The following CPPED1 variants were observed in gnomAD, a reference collection of about 807,000 sequenced individuals.
CPPED1 encodes the protein calcineurin like phosphoesterase domain containing 1, also known as serine/threonine-protein phosphatase CPPED1.
A neutral mutation model predicts 28.0 loss-of-function variants in CPPED1; 28 were observed. The observed-to-expected ratio is 1.00, with a 90% CI of 0.74 to 1.37. The LOEUF (loss-of-function observed/expected upper bound fraction) is 1.37. CPPED1 is among the 40% of genes most tolerant of loss of function. The pLI is 0.00. For missense variants in CPPED1, 504 were observed against 416.5 expected (o/e 1.21, Z -1.83); for synonymous variants, 198 against 180.2 (o/e 1.10, Z -0.79).
chr16:12,767,772 GC>G (rs1442467113), intron 2 of CPPED1, among the ~76,000 whole-genome samples: 1 of 152,102 alleles, frequency 6.6e-6, no homozygotes, highest in Non-Finnish European at 1.5e-5. Flanking sequence ...AGCCTGGCCA[GC>G]ATGGTGAAAC....
chr16:12,728,023 G>A (rs1312071541), intron 2 of CPPED1, among the ~76,000 whole-genome samples: 1 of 152,174 alleles, frequency 6.6e-6, no homozygotes, highest in Non-Finnish European at 1.5e-5. Flanking sequence ...CAATGCAGAT[G>A]AATACACTAA....
At chr16:12,733,773 G>T (rs1048991873) in intron 2 of CPPED1, among the ~76,000 whole-genome samples, 1 of 152,160 alleles carries the variant, frequency 6.6e-6, no homozygotes, top group Non-Finnish European at 1.5e-5. Flanking sequence ...CTCAACTCAC[G>T]AGGGTGGCTG....
In CPPED1 at chr16:12,704,764, G is replaced by A. The variant is rs376562279; in HGVS notation, c.575C>T (p.Ala192Val). 28 of 1,614,174 alleles carry A rather than the reference G, an allele frequency of 1.7e-5. No individual in the cohort carries two copies. The highest frequency in any genetic ancestry group is 1.3e-4 in the South Asian group (12 of 91,082). ...GGCATGCTGGCAGTGCCGCTGCCTC[G>A]CGATGCTCAGCTGCTCGTCCAGCCA... ...DQWLDEQLSI[A>V]RQRHCQHAIV... The change falls in exon 3 of 4, where the codon GCG becomes GTG. Residue 192 changes from alanine (A) to valine (V), a missense_variant. By Grantham distance (64) the Ala-to-Val change is moderately conservative. Coordinates refer to ENST00000381774, the MANE Select transcript of CPPED1 (RefSeq NM_018340.3).
At chr16:12,746,208 C>T (rs750331293) in intron 2 of CPPED1, among the ~76,000 whole-genome samples, 1 of 152,020 alleles carries the variant, frequency 6.6e-6, no homozygotes, top group Admixed American at 6.6e-5. Flanking sequence ...AACCTCGTCT[C>T]TACTAAAAAT....
chr16:12,752,214 A>C (rs993931670), intron 2 of CPPED1, among the ~76,000 whole-genome samples: 1 of 152,196 alleles, frequency 6.6e-6, no homozygotes, highest in Non-Finnish European at 1.5e-5. Context: ...AAAGTCTATT[A>C]AAAAAACATC....
chr16:12,718,071 C>T (rs78762806), intron 2 of CPPED1, among the ~76,000 whole-genome samples: 131 of 152,326 alleles, frequency 8.6e-4, no homozygotes, highest in Non-Finnish European at 1.5e-3. Flanking sequence ...CTGGTCAGCA[C>T]CACCAGTAGA....
At chr16:12,689,273 C>T (rs925117368) in intron 3 of CPPED1, among the ~76,000 whole-genome samples, 1 of 135,934 alleles carries the variant, frequency 7.4e-6, no homozygotes, top group South Asian at 2.4e-4. Context: ...GTCCTCCAGA[C>T]TGGAGTTCAG....
intron 3 of CPPED1, among the ~76,000 whole-genome samples, chr16:12,676,634 C>T (rs1442111416): frequency 1.3e-5 from 2 of 152,130 alleles, no homozygotes; most frequent in Non-Finnish European, 2.9e-5. Flanking sequence ...GATCACCGTG[C>T]CATAGGCCCT....
intron 2 of CPPED1, among the ~76,000 whole-genome samples, chr16:12,738,755 A>G (rs2080239482): frequency 6.6e-6 from 1 of 152,190 alleles, no homozygotes; most frequent in African/African-American, 2.4e-5. Flanking sequence ...TTATAACCCT[A>G]CTCATAAAAC....
intron 3 of CPPED1, among the ~76,000 whole-genome samples, chr16:12,675,912 G>A (rs929971714): frequency 1.1e-4 from 16 of 152,184 alleles, no homozygotes; most frequent in African/African-American, 3.6e-4. Flanking sequence ...CCCTCCTGCC[G>A]GTAAAGAATT....
chr16:12,691,583 A>G (rs2079963018), intron 3 of CPPED1, among the ~76,000 whole-genome samples: 1 of 152,224 alleles, frequency 6.6e-6, no homozygotes, highest in Middle Eastern at 3.4e-3. Flanking sequence ...ACAATCATAG[A>G]CTGGATTAAG....
chr16:12,795,153 G>A (rs2080619914), intron 1 of CPPED1, among the ~76,000 whole-genome samples: 1 of 152,238 alleles, frequency 6.6e-6, no homozygotes, highest in Non-Finnish European at 1.5e-5. Context: ...ACTGGTAGAA[G>A]GCGCCTTCTC....
intron 2 of CPPED1, among the ~76,000 whole-genome samples, chr16:12,754,136 T>G (rs886359570): frequency 6.6e-6 from 1 of 152,144 alleles, no homozygotes; most frequent in African/African-American, 2.4e-5. Flanking sequence ...AAACTGCATC[T>G]CAGTGATGGA....
At chr16:12,714,281 A>G (rs2080095518) in intron 2 of CPPED1, among the ~76,000 whole-genome samples, 1 of 152,156 alleles carries the variant, frequency 6.6e-6, no homozygotes, top group Admixed American at 6.6e-5. Flanking sequence ...AGATGTGTGG[A>G]TATCTTTCAT....
At chr16:12,794,936 G>A (rs985293127) in intron 1 of CPPED1, among the ~76,000 whole-genome samples, 10 of 152,200 alleles carry the variant, frequency 6.6e-5, no homozygotes, top group Admixed American at 2.6e-4. Flanking sequence ...GTGGCCAGGC[G>A]GCTTTTGGCA....
intron 2 of CPPED1, among the ~76,000 whole-genome samples, chr16:12,731,692 G>C (rs1015732982): frequency 2.6e-5 from 4 of 151,414 alleles, no homozygotes; most frequent in Non-Finnish European, 4.4e-5. Context: ...CCCCGCATTT[G>C]TCAGTTTTTC....
chr16:12,758,727 T>C (rs2080388674), intron 2 of CPPED1, among the ~76,000 whole-genome samples: 1 of 152,128 alleles, frequency 6.6e-6, no homozygotes, highest in Non-Finnish European at 1.5e-5. Flanking sequence ...GTAGGCTGAT[T>C]ATACAGTTTA....
intron 2 of CPPED1, among the ~76,000 whole-genome samples, chr16:12,775,044 T>C (rs1381135475): frequency 6.6e-6 from 1 of 152,170 alleles, no homozygotes; most frequent in Non-Finnish European, 1.5e-5. Context: ...AGTCTCCAAC[T>C]CCTGAGCTCA....
chr16:12,691,907 T>C (rs150582601), intron 3 of CPPED1, among the ~76,000 whole-genome samples: 40 of 151,542 alleles, frequency 2.6e-4, no homozygotes, highest in African/African-American at 9.2e-4. Context: ...GGCACATGTA[T>C]ACGTATGTAA....
Sources: allele counts gnomAD v4.1 joint callset (sites outside exome capture counted in the v4.1 genomes callset), GRCh38; gene constraint gnomAD v4.1.1; transcripts MANE v1.5; gene names NCBI Gene and HGNC (gene_info 2026-07-23, HGNC 2026-07-21).